The following SCFD2 variants were observed in gnomAD, a reference collection of about 807,000 sequenced individuals.
SCFD2 encodes the protein sec1 family domain containing 2.
In SCFD2, 54 loss-of-function variants were observed where a neutral mutation model predicts 58.9. The ratio of observed to expected loss-of-function variants is 0.92; its 90% CI spans 0.74 to 1.15. The LOEUF (loss-of-function observed/expected upper bound fraction) is 1.15. Among genes scored for constraint, SCFD2 ranks in the 50% most tolerant of loss-of-function variants. The probability of loss-of-function intolerance (pLI) is 0.00; values close to 1 mark genes in which losing one functional copy is unlikely to be tolerated. For synonymous variants in SCFD2, 321 were observed against 335.9 expected, an observed-to-expected ratio of 0.96 and a Z score of 0.49; for missense variants, 805 against 836.6, an observed-to-expected ratio of 0.96 and a Z score of 0.47.
chr4:52,880,419 C>G (rs1464950018), intron 8 of SCFD2, among the ~76,000 whole-genome samples: 1 of 151,456 alleles, frequency 6.6e-6, no homozygotes, highest in Non-Finnish European at 1.5e-5. Context: ...AGTTCAAGAC[C>G]AGCCTGGCCA....
chr4:52,941,639 C>T (rs1720295795), intron 5 of SCFD2, among the ~76,000 whole-genome samples: 1 of 152,230 alleles, frequency 6.6e-6, no homozygotes. Flanking sequence ...AAGGCACATG[C>T]CAAATGCTTG....
At chr4:53,335,211 A>ACAACAAAAAAAAAAAAAAAAAC (rs556556171) in intron 2 of SCFD2, among the ~76,000 whole-genome samples, 1 of 138,582 alleles carries the variant, frequency 7.2e-6, no homozygotes, top group Non-Finnish European at 1.5e-5. Context: ...AAAAAAAAAA[A>ACAACAAAAAAAAAAAAAAAAAC]AACAACAAAA....
At chr4:53,133,752 C>A (rs1725861105) in intron 5 of SCFD2, among the ~76,000 whole-genome samples, 2 of 152,286 alleles carry the variant, frequency 1.3e-5, no homozygotes, top group Admixed American at 6.5e-5. Flanking sequence ...AAAAACAAAT[C>A]CTCAACTCCT....
chr4:53,072,386 A>G (rs926601240), intron 5 of SCFD2, among the ~76,000 whole-genome samples: 16 of 152,138 alleles, frequency 1.1e-4, no homozygotes, highest in African/African-American at 3.6e-4. Flanking sequence ...AGCTGCAGAC[A>G]TAGATAAGCA....
chr4:53,224,156 C>T lies in SCFD2; in HGVS notation c.1311+49670G>A, dbSNP rs533830964. ...CTGTAATCCCAACACTTTGGGAGGC[C>T]GAGGCGGGTGGATCATGAGGTCAGG... On this transcript the variant is annotated intron_variant, in intron 4 of 8. Coordinates refer to ENST00000401642, the MANE Select transcript of SCFD2 (RefSeq NM_152540.4). Among the ~76,000 whole-genome samples, 9 of 152,144 alleles carry T rather than the reference C, an allele frequency of 5.9e-5. No homozygotes were observed. In the South Asian group the frequency reaches 1.2e-3, roughly 21 times the overall value.
intron 4 of SCFD2, among the ~76,000 whole-genome samples, chr4:53,267,277 G>A (rs1731017527): frequency 6.6e-6 from 1 of 152,082 alleles, no homozygotes. Flanking sequence ...ACGAAAGGTT[G>A]TCCTCATGCT....
intron 5 of SCFD2, among the ~76,000 whole-genome samples, chr4:52,964,046 T>C (rs779762914): frequency 6.6e-6 from 1 of 152,218 alleles, no homozygotes; most frequent in Non-Finnish European, 1.5e-5. Flanking sequence ...ATAAAGATTG[T>C]ATTCAATTAT....
intron 5 of SCFD2, among the ~76,000 whole-genome samples, chr4:52,972,998 T>C (rs1040031461): frequency 2.0e-5 from 3 of 152,156 alleles, no homozygotes; most frequent in Non-Finnish European, 2.9e-5. Flanking sequence ...TACCGGAATC[T>C]CTGGGACACA....
chr4:52,953,289 G>T (rs1489504829), intron 5 of SCFD2, among the ~76,000 whole-genome samples: 4 of 152,178 alleles, frequency 2.6e-5, no homozygotes, highest in Non-Finnish European at 5.9e-5. Context: ...AACTAGGTTA[G>T]TTTGCTTTAT....
At chr4:53,352,001 A>G (rs1172125896) in intron 2 of SCFD2, among the ~76,000 whole-genome samples, 1 of 152,208 alleles carries the variant, frequency 6.6e-6, no homozygotes, top group Non-Finnish European at 1.5e-5. Context: ...GTAATTCCCA[A>G]GAGAATTGTT....
intron 5 of SCFD2, among the ~76,000 whole-genome samples, chr4:53,065,676 A>G (rs1723644059): frequency 6.6e-6 from 1 of 152,094 alleles, no homozygotes; most frequent in Non-Finnish European, 1.5e-5. Flanking sequence ...TTATAAAAAA[A>G]TGATAATTTT....
intron 5 of SCFD2, among the ~76,000 whole-genome samples, chr4:53,106,800 G>A (rs1199907043): frequency 6.6e-6 from 1 of 152,116 alleles, no homozygotes. Context: ...GGAAAACACT[G>A]TTCAGGATAT....
At chr4:53,290,489 G>A (rs761785251) in intron 3 of SCFD2, among the ~76,000 whole-genome samples, 1 of 152,076 alleles carries the variant, frequency 6.6e-6, no homozygotes, top group Non-Finnish European at 1.5e-5. Flanking sequence ...TAACAGGAGA[G>A]TTTATAGCAA....
chr4:52,942,210 G>C (rs1179679957), intron 5 of SCFD2, among the ~76,000 whole-genome samples: 1 of 152,164 alleles, frequency 6.6e-6, no homozygotes, highest in Admixed American at 6.5e-5. Flanking sequence ...CAAAGAAAAA[G>C]GAAAACAGCA....
intron 4 of SCFD2, among the ~76,000 whole-genome samples, chr4:53,217,777 G>C (rs1420924330): frequency 6.6e-6 from 1 of 152,180 alleles, no homozygotes; most frequent in Non-Finnish European, 1.5e-5. Context: ...GTAGTGGCTG[G>C]TAACGGTTGT....
intron 5 of SCFD2, among the ~76,000 whole-genome samples, chr4:53,084,429 G>T (rs1461915753): frequency 6.6e-6 from 1 of 152,030 alleles, no homozygotes; most frequent in South Asian, 2.1e-4. Flanking sequence ...TTTTCAGGGT[G>T]CACTGATTTC....
intron 5 of SCFD2, among the ~76,000 whole-genome samples, chr4:53,021,143 A>G (rs2148813467): frequency 6.6e-6 from 1 of 152,356 alleles, no homozygotes; most frequent in East Asian, 1.9e-4. Context: ...AACCCATTTT[A>G]GAATGATAAG....
At chr4:52,903,938 G>A (rs1719284278) in intron 7 of SCFD2, among the ~76,000 whole-genome samples, 1 of 152,192 alleles carries the variant, frequency 6.6e-6, no homozygotes, top group African/African-American at 2.4e-5. Context: ...GTGTATGAGT[G>A]CAGCTACAAA....
chr4:53,358,556 GAAA>G (rs773896119), intron 1 of SCFD2, among the ~76,000 whole-genome samples: 1 of 105,352 alleles, frequency 9.5e-6, no homozygotes, highest in African/African-American at 3.4e-5. Flanking sequence ...CTGTCTCAGG[GAAA>G]AAAAAAAAAA....
Sources: gnomAD v4.1 joint callset for allele counts (sites outside exome capture counted in the v4.1 genomes callset) on GRCh38, gnomAD v4.1.1 for gene constraint, MANE v1.5 for transcripts, NCBI Gene and HGNC (gene_info 2026-07-23, HGNC 2026-07-21) for gene names.